FPGS: variants seen among roughly 807,000 people sequenced by gnomAD.
FPGS encodes folylpolyglutamate synthase, mitochondrial.
A neutral mutation model predicts 66.5 loss-of-function variants in FPGS; 53 were observed. The observed-to-expected ratio is 0.80, with a 90% CI of 0.64 to 1.00. The LOEUF is 1.00. Ranked by LOEUF, FPGS falls within the 50% of genes least tolerant of loss-of-function variation. The pLI is 0.00. For synonymous variants in FPGS, 348 were observed against 350.9 expected, an observed-to-expected ratio of 0.99 and a Z score of 0.09; for missense variants, 702 against 807.7, an observed-to-expected ratio of 0.87 and a Z score of 1.59.
intron 8 of FPGS, 194 bp from the exon 9 acceptor site, chr9:127,808,040 A>T (rs887593234): frequency 1.7e-6 from 1 of 589,732 alleles, no homozygotes; most frequent in African/African-American, 1.9e-5. Flanking sequence ...CGGGAGGCAG[A>T]CGTTGCAGTG....
At chr9:127,814,187 C>T (rs1019535996), downstream of FPGS, 9 of 983,658 alleles carry the variant, frequency 9.1e-6, no homozygotes, top group Admixed American at 6.2e-5. Flanking sequence ...GAACAAGTCC[C>T]TCCCTCCCTG....
At chr9:127,803,751 C>T (rs1829700793) in intron 1 of FPGS, among the ~76,000 whole-genome samples, 1 of 152,088 alleles carries the variant, frequency 6.6e-6, no homozygotes, top group Non-Finnish European at 1.5e-5. Context: ...CATTGTGAAC[C>T]CTCCTGAAGC....
chr9:127,809,644 G>A, intron 11 of FPGS, 40 bp from the exon 12 acceptor site: 1 of 1,550,462 alleles, frequency 6.4e-7, no homozygotes, highest in African/African-American at 1.4e-5. Context: ...GGACGGGGGT[G>A]GGAGAGGGCC....
intron 4 of FPGS, among the ~76,000 whole-genome samples, chr9:127,805,515 G>T (rs781781363): frequency 1.2e-4 from 18 of 152,062 alleles, no homozygotes; most frequent in Non-Finnish European, 2.4e-4. Context: ...TGTAATCCTA[G>T]CACTTTGGGA....
At position 127,813,624 on chromosome 9, in the gene FPGS, GTGGGAGCTTCCCACACCTGCC is replaced by G. The variant is rs781036689; in HGVS notation, c.*23_*43del. On this transcript the variant is annotated 3_prime_UTR_variant, in exon 15 of 15. Transcript: ENST00000373247. Reference sequence around the variant, plus strand: ...CAGTAGCCAAGGCCCGGGGTTGGAGGTGGGAGCTTCCCACACCTGCCTGCGTTCTCCCCATGAACTTACATA... The same window carrying G: ...CAGTAGCCAAGGCCCGGGGTTGGAGGTGCGTTCTCCCCATGAACTTACATA... The G allele has an allele frequency of 6.7e-7, 1 of 1,503,434 alleles. No individual in the cohort carries two copies. The highest frequency in any genetic ancestry group is 8.9e-7 in the Non-Finnish European group (1 of 1,125,634). The allele number at this position is 1,503,434 out of a possible 1,614,324, so 93.1% of individuals were successfully genotyped here.
rs1782235331 is a variant in FPGS, at chr9:127,809,713, A to G, written c.1090A>G (p.Thr364Ala). The G allele has an allele frequency of 1.9e-6, 3 of 1,588,840 alleles. No individual in the cohort carries two copies. The African/African-American group carries it at 4.1e-5, about 22-fold the overall frequency. ...TCGGAACACGGAGTGGCCGGGCCGGACGCAGGTGCTGCGGCGCGGGCCCCT... is the reference window on the plus strand; with the variant it reads ...TCGGAACACGGAGTGGCCGGGCCGGGCGCAGGTGCTGCGGCGCGGGCCCCT... ...GLRNTEWPGR[T>A]QVLRRGPLTW... Residue 364 changes from threonine to alanine, a missense_variant, in exon 12 of 15, where the codon ACG becomes GCG. By Grantham distance (58) the Thr-to-Ala change is moderately conservative. Around this residue, in one of 3 missense-constraint regions of FPGS, gnomAD observed 351 missense variants for 363.7 expected, o/e 0.97. Transcript: ENST00000373247.
At chr9:127,806,886 G>A (rs922817629) in intron 4 of FPGS, 87 bp from the exon 5 acceptor site, 9 of 967,618 alleles carry the variant, frequency 9.3e-6, no homozygotes, top group African/African-American at 4.8e-5. Context: ...GATGAGGCAC[G>A]GAGGCCAGTA....
chr9:127,804,078 C>G (rs1829714377), intron 1 of FPGS, among the ~76,000 whole-genome samples: 1 of 152,228 alleles, frequency 6.6e-6, no homozygotes, highest in Non-Finnish European at 1.5e-5. Context: ...TGGGGCTGAA[C>G]TGCCCCAGAC....
rs759152324 is a variant in FPGS at position 127,808,577 on chromosome 9, C to A, written c.842C>A (p.Pro281Gln). ...CCCTAGTGTCCTCTATACCTGTGTCCGATGCTGGAGGCCCTCGAGGAAGGG... is the reference window on the plus strand; with the variant it reads ...CCCTAGTGTCCTCTATACCTGTGTCAGATGCTGGAGGCCCTCGAGGAAGGG... ...QQISCPLYLCPMLEALEEGGP... is the reference protein window; with the variant it reads ...QQISCPLYLCQMLEALEEGGP... The change falls in exon 10 of 15, where the codon CCG becomes CAG. Residue 281 changes from proline to glutamine, a missense_variant. Transcript: ENST00000373247. The A allele has an allele frequency of 1.2e-6, 2 of 1,612,618 alleles. No individual in the cohort carries two copies. Among genetic ancestry groups the A allele is most frequent in the Middle Eastern group, 3.3e-4 (2 of 6,050 alleles).
intron 14 of FPGS, among the ~76,000 whole-genome samples, chr9:127,812,386 A>G (rs1830116829): frequency 6.6e-6 from 1 of 150,436 alleles, no homozygotes. Flanking sequence ...GCTGGAGTGC[A>G]GTGGTGCCAT....
intron 14 of FPGS, among the ~76,000 whole-genome samples, chr9:127,811,778 G>A (rs1358392645): frequency 6.6e-6 from 1 of 151,846 alleles, no homozygotes; most frequent in Non-Finnish European, 1.5e-5. Context: ...GAGCCACCAC[G>A]CCCAGCCAGC....
At position 127,804,362 on chromosome 9, in the gene FPGS, T is replaced by A. The variant is rs1291410844; in HGVS notation, c.216T>A (p.Pro72=). Residue 72 remains proline (P), a synonymous_variant, in exon 2 of 15, where the codon CCT becomes CCA. Transcript: ENST00000373247. The stretch of plus-strand genomic sequence containing the variant: ...AGGTGAAGCGCCAGCGGGGTGACCC[T>A]CAGACACAGTTGGAAGCCATGGAAC... ...LEQVKRQRGD[P]QTQLEAMELY... 7.4e-6 allele frequency: 12 copies of A among 1,614,058 alleles called. No individual in the cohort carries two copies. The highest frequency in any genetic ancestry group is 1.0e-5 in the Non-Finnish European group (12 of 1,180,030).
At chr9:127,805,333 T>G (rs1192652125) in intron 4 of FPGS, among the ~76,000 whole-genome samples, 1 of 151,632 alleles carries the variant, frequency 6.6e-6, no homozygotes, top group Non-Finnish European at 1.5e-5. Context: ...CACCTGAGTC[T>G]GGGGAGGTCA....
intron 4 of FPGS, 91 bp from the exon 5 acceptor site, chr9:127,806,882 G>C (rs541638078): frequency 6.5e-6 from 6 of 922,884 alleles, no homozygotes; most frequent in East Asian, 4.8e-5. Context: ...GAGAGATGAG[G>C]CACGGAGGCC....
Position 127,804,557 on chromosome 9 carries a change from G to A in FPGS, c.321+5G>A, listed in dbSNP as rs1564440589. On this transcript the variant is annotated splice_donor_5th_base_variant and intron_variant, in intron 3 of 14. Coordinates refer to ENST00000373247, the MANE Select transcript of FPGS (RefSeq NM_004957.6). ...GTCACTGGGACGAAGGGGAAGGTGAGGGGCAGGACCCTGGGGTAGGGGGTC... is the reference window on the plus strand; with the variant it reads ...GTCACTGGGACGAAGGGGAAGGTGAAGGGCAGGACCCTGGGGTAGGGGGTC... 1.2e-6 allele frequency: 2 copies of A among 1,614,190 alleles called. No individual in the cohort carries two copies. Among genetic ancestry groups the A allele is most frequent in the South Asian group, 1.1e-5 (1 of 91,088 alleles).
intron 11 of FPGS, 117 bp downstream of exon 11, chr9:127,809,006 G>A: frequency 1.3e-6 from 1 of 792,964 alleles, no homozygotes; most frequent in South Asian, 1.9e-5. Flanking sequence ...TTGAAGTGGT[G>A]CTTAAGAGAA....
downstream of FPGS, chr9:127,814,370 G>A (rs900987991): frequency 6.0e-6 from 1 of 166,704 alleles, no homozygotes; most frequent in Non-Finnish European, 1.2e-5. Flanking sequence ...ATGGAGGCCG[G>A]GCACGGTGGC....
Position 127,808,119 on chromosome 9 carries a change from AAAG to A in FPGS, c.745-112_745-110del, listed in dbSNP as rs1829894678. On this transcript the variant is annotated intron_variant, in intron 8 of 14. Transcript: ENST00000373247. ...AGACTTCATCTCGAAAAAGAAAAGA[AAAG>A]AAACATGAGGGATGAGAGACAGTGG... 7.8e-6 allele frequency: 6 copies of A among 769,424 alleles called. No individual in the cohort carries two copies. In the Admixed American group the frequency reaches 9.3e-5, roughly 12 times the overall value. 47.7% of individuals were successfully genotyped at this position (769,424 alleles called of 1,614,324 possible).
chr9:127,810,856 C>G (rs1830042733), intron 13 of FPGS, 89 bp from the exon 14 acceptor site: 2 of 676,232 alleles, frequency 3.0e-6, no homozygotes, highest in Admixed American at 4.6e-5. Flanking sequence ...GAGGCTGCAT[C>G]TCCAGAGATG....
Sources: allele counts gnomAD v4.1 joint callset (sites outside exome capture counted in the v4.1 genomes callset), GRCh38; gene constraint gnomAD v4.1.1; regional missense constraint gnomAD v4.1.1; transcripts MANE v1.5; gene names NCBI Gene and HGNC (gene_info 2026-07-23, HGNC 2026-07-21).